RET: variants seen among roughly 807,000 people sequenced by gnomAD.
RET encodes proto-oncogene tyrosine-protein kinase receptor Ret.
A neutral mutation model predicts 118.3 loss-of-function variants in RET; 19 were observed. That is an observed-to-expected ratio of 0.16 (90% CI 0.11 to 0.24). The LOEUF (loss-of-function observed/expected upper bound fraction) is 0.24, where lower values mean the gene tolerates loss of function less well. Among genes scored for constraint, RET ranks in the 10% least tolerant of loss-of-function variants. The pLI, the probability that RET is intolerant of heterozygous loss-of-function variation, is 1.00. For missense variants in RET, 1,219 were observed against 1,502.1 expected (o/e 0.81, Z 3.12); for synonymous variants, 597 against 644.1 (o/e 0.93, Z 1.11).
Position 43,077,113 on chromosome 10 carries a change from G to A in RET, c.-146G>A. ...GGCGCGCAGCAGCGCTGAGTGCCCCGGAACGTGCGTCGCGCCCCCAGTGTC... is the reference window on the plus strand; with the variant it reads ...GGCGCGCAGCAGCGCTGAGTGCCCCAGAACGTGCGTCGCGCCCCCAGTGTC... On this transcript the variant is annotated 5_prime_UTR_variant, in exon 1 of 20. Coordinates refer to ENST00000355710, the MANE Select transcript of RET (RefSeq NM_020975.6). 1 of 1,126,744 alleles carries A rather than the reference G, an allele frequency of 8.9e-7. No homozygotes were observed. Among genetic ancestry groups the A allele is most frequent in the South Asian group, 2.5e-5 (1 of 40,116 alleles). The allele number at this position is 1,126,744 out of a possible 1,614,324, so 69.8% of individuals were successfully genotyped here. A position where few individuals can be genotyped will look rare whatever the true frequency, so the allele number is the denominator to read the frequency against.
intron 12 of RET, among the ~76,000 whole-genome samples, chr10:43,117,125 G>A (rs1838091059): frequency 6.6e-6 from 1 of 152,230 alleles, no homozygotes; most frequent in African/African-American, 2.4e-5. Flanking sequence ...GGGCCTGTCT[G>A]GCCTGCATGC....
In RET at chr10:43,126,873, T is replaced by A. The variant is rs1838347297; in HGVS notation, c.3187+151T>A. 1.6e-5 allele frequency: 23 copies of A among 1,458,876 alleles called. No individual in the cohort carries two copies. The South Asian group carries it at 3.3e-4, about 21-fold the overall frequency. 90.4% of individuals were successfully genotyped at this position (1,458,876 alleles called of 1,614,324 possible). ...TTATTTGTAAATGTCTGACTTTGCA[T>A]CCAGTTTACATTTAGGCATTATTGC... On this transcript the variant is annotated intron_variant, in intron 19 of 19. Transcript: ENST00000355710.
intron 1 of RET, among the ~76,000 whole-genome samples, chr10:43,100,089 G>T (rs1194523472): frequency 1.3e-5 from 2 of 152,214 alleles, no homozygotes; most frequent in South Asian, 2.1e-4. Flanking sequence ...CCTGTAAAGT[G>T]CTTTCTTCAT....
rs898964408 is a variant in RET at position 43,100,685 on chromosome 10, C to T, written c.300C>T (p.Ser100=). 14 of 1,609,076 alleles carry T rather than the reference C, an allele frequency of 8.7e-6. No individual in the cohort carries two copies. In the East Asian group the frequency reaches 2.9e-4, roughly 33 times the overall value. ...CCGGCCTCCTCTACCTTAACCGGAGCCTGGACCATAGCTCCTGGGAGAAGC... is the reference window on the plus strand; with the variant it reads ...CCGGCCTCCTCTACCTTAACCGGAGTCTGGACCATAGCTCCTGGGAGAAGC... ...EDTGLLYLNR[S]LDHSSWEKLS... The change falls in exon 2 of 20, where the codon AGC becomes AGT. Residue 100 remains serine, a synonymous_variant. Transcript: ENST00000355710.
intron 11 of RET, among the ~76,000 whole-genome samples, chr10:43,115,025 C>T (rs1174511607): frequency 6.6e-6 from 1 of 152,104 alleles, no homozygotes; most frequent in African/African-American, 2.4e-5. Flanking sequence ...GAAGGGGGTG[C>T]CTTTCTGGGG....
At chr10:43,084,455 G>A (rs577353983) in intron 1 of RET, among the ~76,000 whole-genome samples, 45 of 152,208 alleles carry the variant, frequency 3.0e-4, no homozygotes, top group Non-Finnish European at 5.6e-4. Context: ...CCTTTCCCCG[G>A]TGATGGCGTG....
rs1352006130 is a variant in RET at position 43,118,453 on chromosome 10, A to G, written c.2365A>G (p.Lys789Glu). 2.5e-6 allele frequency: 4 copies of G among 1,613,880 alleles called. No homozygotes were observed. In the African/African-American group the frequency reaches 5.3e-5, roughly 22 times the overall value. Residue 789 changes from lysine (K) to glutamate (E), a missense_variant, in exon 13 of 20, where the codon AAA (lysine) becomes GAA (glutamate). By Grantham distance (56) the Lys-to-Glu change is moderately conservative. This residue lies in a region of RET where 850 missense variants were observed against 969.6 expected (regional missense o/e 0.88). Coordinates refer to ENST00000355710, the MANE Select transcript of RET (RefSeq NM_020975.6). ...GCAGGTCAACCACCCACATGTCATC[A>G]AATTGTATGGGGCCTGCAGCCAGGA... ...LKQVNHPHVI[K>E]LYGACSQDGP...
chr10:43,112,762 CT>C (rs1837969217), intron 8 of RET, 90 bp from the exon 9 acceptor site: 4 of 1,017,062 alleles, frequency 3.9e-6, no homozygotes, highest in Non-Finnish European at 6.1e-6. Context: ...CCAGTTGCTC[CT>C]CCCTAGAGGG....
At chr10:43,122,145 G>GC (rs1838232739) in intron 16 of RET, 129 bp downstream of exon 16, 19 of 791,588 alleles carry the variant, frequency 2.4e-5, no homozygotes, top group African/African-American at 3.4e-5. Flanking sequence ...TGTCTGCAGT[G>GC]CTAGCCCTCT....
intron 1 of RET, among the ~76,000 whole-genome samples, chr10:43,091,355 G>A (rs567569952): frequency 6.6e-6 from 1 of 152,164 alleles, no homozygotes; most frequent in Non-Finnish European, 1.5e-5. Context: ...GGGGCCAGGT[G>A]CGGTGGCTCA....
chr10:43,113,618 A>G lies in RET; in HGVS notation c.1822A>G (p.Thr608Ala). The change falls in exon 10 of 20, where the codon ACC (threonine) becomes GCC (alanine). Residue 608 changes from threonine (T) to alanine (A), a missense_variant. Thr to Ala is a moderately conservative substitution (Grantham distance 58). Around this residue, in one of 5 missense-constraint regions of RET, gnomAD observed 850 missense variants for 969.6 expected, o/e 0.88. Transcript: ENST00000355710. The part of the protein sequence containing the change: ...EPRGIKAGYG[T>A]CNCFPEEEKC... ...CCGGGGGATTAAAGCTGGCTATGGC[A>G]CCTGCAACTGCTTCCCTGAGGAGGA... The G allele has an allele frequency of 6.2e-7, 1 of 1,613,134 alleles. No individual in the cohort carries two copies. The highest frequency in any genetic ancestry group is 1.3e-5 in the African/African-American group (1 of 75,010).
chr10:43,102,879 G>A (rs544430387), intron 3 of RET: 43 of 582,040 alleles, frequency 7.4e-5, no homozygotes, highest in Non-Finnish European at 1.1e-4. Context: ...CAGACAGAGC[G>A]TCTGAGCATG....
Position 43,106,087 on chromosome 10 carries a change from C to A in RET, c.868-289C>A, listed in dbSNP as rs2132716766. On this transcript the variant is annotated intron_variant, in intron 4 of 19. Transcript: ENST00000355710. The surrounding 1 kb of genome is among the most constrained non-coding windows in gnomAD (Gnocchi z 5.1). Reference sequence around the variant, plus strand: ...TGCTCTCTGGGGACCTGGATGGGACCTGCCAGCAGGGTGCCTGGGCATCGG... The same window carrying A: ...TGCTCTCTGGGGACCTGGATGGGACATGCCAGCAGGGTGCCTGGGCATCGG... 6.6e-6 allele frequency among the ~76,000 whole-genome samples: 1 copy of A among 152,296 alleles called. No homozygotes were observed. Among genetic ancestry groups the A allele is most frequent in the Non-Finnish European group, 1.5e-5 (1 of 68,012 alleles).
intron 3 of RET, among the ~76,000 whole-genome samples, chr10:43,103,531 C>G (rs968395516): frequency 6.6e-6 from 1 of 152,144 alleles, no homozygotes; most frequent in African/African-American, 2.4e-5. Flanking sequence ...ATCAGAAAGT[C>G]AGGAAGTGGG....
At chr10:43,083,479 A>G (rs74438020) in intron 1 of RET, among the ~76,000 whole-genome samples, 4,802 of 152,252 alleles carry the variant, frequency 0.032, 146 homozygotes, top group East Asian at 0.11. Flanking sequence ...GTGCCTGGCT[A>G]TGTGCACAGG....
intron 11 of RET, among the ~76,000 whole-genome samples, chr10:43,115,445 C>T (rs1273934960): frequency 6.6e-6 from 1 of 152,228 alleles, no homozygotes; most frequent in Non-Finnish European, 1.5e-5. Context: ...AGGCAACACC[C>T]AGCCCTCGGT....
At chr10:43,124,264 C>T (rs1049258526) in intron 17 of RET, among the ~76,000 whole-genome samples, 2 of 152,122 alleles carry the variant, frequency 1.3e-5, no homozygotes, top group African/African-American at 4.8e-5. Flanking sequence ...TGAGAAAGGG[C>T]TGCCCAGAGG....
Position 43,100,679 on chromosome 10 carries a change from C to T in RET, c.294C>T (p.Asn98=), listed in dbSNP as rs1470411479. Residue 98 remains asparagine, a synonymous_variant, in exon 2 of 20, where the codon AAC becomes AAT. Coordinates refer to ENST00000355710, the MANE Select transcript of RET (RefSeq NM_020975.6). The stretch of plus-strand genomic sequence containing the variant: ...AGGACACCGGCCTCCTCTACCTTAA[C>T]CGGAGCCTGGACCATAGCTCCTGGG... ...IQEDTGLLYL[N]RSLDHSSWEK... is the part of the protein sequence containing the mutation. 2.5e-6 allele frequency: 4 copies of T among 1,610,016 alleles called. No individual in the cohort carries two copies. The highest frequency in any genetic ancestry group is 3.4e-6 in the Non-Finnish European group (4 of 1,178,348).
chr10:43,098,218 TC>T (rs1351334948), intron 1 of RET, among the ~76,000 whole-genome samples: 1 of 152,158 alleles, frequency 6.6e-6, no homozygotes, highest in African/African-American at 2.4e-5. Context: ...TTAAACTCTG[TC>T]CCTATCAAAC....
Sources: allele counts gnomAD v4.1 joint callset (sites outside exome capture counted in the v4.1 genomes callset), GRCh38; gene constraint gnomAD v4.1.1; regional missense constraint gnomAD v4.1.1; non-coding constraint Gnocchi (gnomAD v3.1); transcripts MANE v1.5; gene names NCBI Gene and HGNC (gene_info 2026-07-23, HGNC 2026-07-21).